The following APP variants were observed in gnomAD, a reference collection of about 807,000 sequenced individuals.
APP encodes the protein amyloid beta precursor protein.
In APP, 31 loss-of-function variants were observed where a neutral mutation model predicts 101.4. That is an observed-to-expected ratio of 0.31 (90% CI 0.23 to 0.41). The LOEUF (loss-of-function observed/expected upper bound fraction) is 0.41. Among genes scored for constraint, APP ranks in the 10% least tolerant of loss-of-function variants. The probability of loss-of-function intolerance (pLI) is 1.00; values close to 1 mark genes in which losing one functional copy is unlikely to be tolerated. For synonymous variants in APP, 366 were observed against 364.4 expected (o/e 1.00, Z -0.05); for missense variants, 839 against 1,003.7 (o/e 0.84, Z 2.22).
chr21:25,959,428 G>A (rs1156471845), intron 11 of APP, among the ~76,000 whole-genome samples: 3 of 152,142 alleles, frequency 2.0e-5, no homozygotes, highest in African/African-American at 4.8e-5. Flanking sequence ...ACGAGACTCC[G>A]TCTCAAAAAC....
At chr21:26,000,687 C>T (rs1044311732) in intron 6 of APP, among the ~76,000 whole-genome samples, 2 of 152,128 alleles carry the variant, frequency 1.3e-5, no homozygotes, top group African/African-American at 2.4e-5. Flanking sequence ...GTGTTGGAAG[C>T]TGTCTGTCCA....
intron 2 of APP, among the ~76,000 whole-genome samples, chr21:26,091,770 A>C (rs2061831457): frequency 6.6e-6 from 1 of 152,096 alleles, no homozygotes; most frequent in Non-Finnish European, 1.5e-5. Context: ...AAAAATGAAG[A>C]GGAAAAGAGG....
chr21:26,089,918 C>T lies in APP; in HGVS notation c.355+25G>A, dbSNP rs200254336. The T allele has an allele frequency of 7.4e-5, 120 of 1,613,738 alleles. No homozygotes were observed. In the East Asian group the frequency reaches 2.4e-3, roughly 33 times the overall value. ...CTCAAGACCAGGCCCCCAATCAACA[C>T]CAGCCCCACGGCCGGCCGGCTCACC... On this transcript the variant is annotated intron_variant, in intron 3 of 17. Transcript: ENST00000346798.
intron 6 of APP, among the ~76,000 whole-genome samples, chr21:26,001,548 C>T (rs9977146): frequency 0.017 from 2,635 of 152,310 alleles, 79 homozygotes; most frequent in African/African-American, 0.06. Context: ...TCTTGCACTG[C>T]CGCCCAGTGG....
intron 7 of APP, among the ~76,000 whole-genome samples, chr21:25,997,776 C>T (rs1248523113): frequency 6.6e-6 from 1 of 152,190 alleles, no homozygotes; most frequent in Non-Finnish European, 1.5e-5. Context: ...TGGCTCTCGG[C>T]TCTGGCTGTT....
chr21:25,914,474 G>T (rs925745901), intron 13 of APP, among the ~76,000 whole-genome samples: 19 of 151,056 alleles, frequency 1.3e-4, no homozygotes, highest in African/African-American at 4.1e-4. Flanking sequence ...GAGGAAACCA[G>T]CACAGGCCCC....
At chr21:26,090,144 C>T in intron 2 of APP, 72 bp from the exon 3 acceptor site, 1 of 1,601,360 alleles carries the variant, frequency 6.2e-7, no homozygotes, top group Middle Eastern at 1.7e-4. Flanking sequence ...TCTAACAAGC[C>T]TCCACTGTAA....
chr21:26,067,539 C>A (rs1263246106), intron 3 of APP, among the ~76,000 whole-genome samples: 1 of 152,184 alleles, frequency 6.6e-6, no homozygotes, highest in Non-Finnish European at 1.5e-5. Context: ...ACTGAGACTG[C>A]AGTACACCAT....
chr21:26,037,179 C>T (rs112098591), intron 5 of APP, among the ~76,000 whole-genome samples: 77 of 151,992 alleles, frequency 5.1e-4, no homozygotes, highest in African/African-American at 1.6e-3. Flanking sequence ...ATTTCATAGA[C>T]GTAAAGAGTA....
intron 2 of APP, 25 bp downstream of exon 2, chr21:26,111,954 T>C (rs368256273): frequency 5.6e-6 from 9 of 1,613,838 alleles, no homozygotes; most frequent in East Asian, 2.2e-5. Flanking sequence ...CCAACGTGAA[T>C]TGCTAGCCAC....
intron 3 of APP, among the ~76,000 whole-genome samples, chr21:26,071,388 A>G (rs2061408769): frequency 6.6e-6 from 1 of 152,172 alleles, no homozygotes; most frequent in Non-Finnish European, 1.5e-5. Context: ...TTGAAGAGCA[A>G]GCATTCCAAG....
intron 11 of APP, among the ~76,000 whole-genome samples, chr21:25,961,658 G>A (rs1036682175): frequency 4.6e-5 from 7 of 151,928 alleles, no homozygotes; most frequent in African/African-American, 1.7e-4. Context: ...TGTCTAGTGA[G>A]GTTTATTTTA....
intron 15 of APP, among the ~76,000 whole-genome samples, chr21:25,904,654 A>G (rs1021944044): frequency 2.0e-4 from 31 of 152,166 alleles, no homozygotes; most frequent in Admixed American, 2.0e-3. Context: ...TATCCAAGTC[A>G]TCACCTGAGA....
chr21:25,967,576 A>G (rs45493794), intron 11 of APP, among the ~76,000 whole-genome samples: 2,117 of 152,344 alleles, frequency 0.014, 48 homozygotes, highest in African/African-American at 0.048. Flanking sequence ...TAGGCCTACA[A>G]TAGAAAGTTG....
chr21:26,079,506 A>G (rs757725844), intron 3 of APP, among the ~76,000 whole-genome samples: 1 of 152,234 alleles, frequency 6.6e-6, no homozygotes, highest in Non-Finnish European at 1.5e-5. Flanking sequence ...CAGATCAGAC[A>G]TAACAGTATT....
chr21:25,897,133 T>TA (rs2038108233), intron 16 of APP, among the ~76,000 whole-genome samples: 1 of 145,214 alleles, frequency 6.9e-6, no homozygotes, highest in Non-Finnish European at 1.5e-5. Flanking sequence ...CTTTCTTTTC[T>TA]TTTTTTTTTT....
intron 5 of APP, among the ~76,000 whole-genome samples, chr21:26,033,646 C>G (rs899327970): frequency 1.6e-4 from 25 of 152,168 alleles, no homozygotes; most frequent in African/African-American, 5.8e-4. Context: ...AGATGCAGAG[C>G]CTAGTAGAAA....
chr21:25,969,651 G>A (rs1339004114), intron 11 of APP, among the ~76,000 whole-genome samples: 1 of 151,654 alleles, frequency 6.6e-6, no homozygotes, highest in East Asian at 2.0e-4. Flanking sequence ...ACTAGCCTGG[G>A]TAACACAGCG....
At chr21:26,097,618 A>T (rs2146143572) in intron 2 of APP, among the ~76,000 whole-genome samples, 1 of 152,308 alleles carries the variant, frequency 6.6e-6, no homozygotes, top group African/African-American at 2.4e-5. Flanking sequence ...ATTACTGTAA[A>T]TAAGCACTCA....
Sources: allele counts gnomAD v4.1 joint callset (sites outside exome capture counted in the v4.1 genomes callset), GRCh38; gene constraint gnomAD v4.1.1; transcripts MANE v1.5; gene names NCBI Gene and HGNC (gene_info 2026-07-23, HGNC 2026-07-21).